Variants in MALRD1 observed in about 807,000 individuals in gnomAD.
MALRD1 encodes MAM and LDL-receptor class A domain-containing protein 1.
Under a neutral mutation model 242.1 loss-of-function variants are expected in MALRD1, and 247 were observed. That is an observed-to-expected ratio of 1.02 (90% CI 0.92 to 1.13). The LOEUF is 1.13. MALRD1 is among the 50% of genes most tolerant of loss of function. The pLI is 0.00. For synonymous variants in MALRD1, 995 were observed against 866.6 expected, an observed-to-expected ratio of 1.15 and a Z score of -2.60; for missense variants, 2,989 against 2,533.1, an observed-to-expected ratio of 1.18 and a Z score of -3.86.
chr10:19,204,756 A>T (rs1836712781), intron 16 of MALRD1, 142 bp from the exon 17 acceptor site: 2 of 906,434 alleles, frequency 2.2e-6, no homozygotes, highest in African/African-American at 3.4e-5. Flanking sequence ...TTGCAAATGG[A>T]CAGCCACAGT....
chr10:19,064,519 T>A (rs1484172815), intron 1 of MALRD1, among the ~76,000 whole-genome samples: 1 of 151,946 alleles, frequency 6.6e-6, no homozygotes, highest in African/African-American at 2.4e-5. Context: ...TTTTTTTTTT[T>A]GGTAAGAATT....
chr10:19,352,735 T>C (rs868677767), intron 26 of MALRD1, among the ~76,000 whole-genome samples: 22 of 152,198 alleles, frequency 1.4e-4, no homozygotes, highest in South Asian at 4.1e-4. Flanking sequence ...CAATTTGATA[T>C]TGAAACAAAG....
intron 36 of MALRD1, among the ~76,000 whole-genome samples, chr10:19,669,023 A>G (rs1841801191): frequency 1.3e-5 from 2 of 152,236 alleles, no homozygotes; most frequent in Non-Finnish European, 2.9e-5. Flanking sequence ...GGAAACTGAG[A>G]TGGCAGCACT....
intron 33 of MALRD1, among the ~76,000 whole-genome samples, chr10:19,575,137 C>T (rs78409339): frequency 6.6e-6 from 1 of 152,128 alleles, no homozygotes; most frequent in Admixed American, 6.5e-5. Context: ...TGAATTGCCC[C>T]GTTTCACTTA....
At chr10:19,268,897 T>G (rs1050271628) in intron 19 of MALRD1, among the ~76,000 whole-genome samples, 1 of 152,210 alleles carries the variant, frequency 6.6e-6, no homozygotes, top group Admixed American at 6.5e-5. Flanking sequence ...CTGAGACATC[T>G]ACTTATGAAA....
chr10:19,236,341 G>A lies in MALRD1; in HGVS notation c.2992-21343G>A, dbSNP rs576430320. On this transcript the variant is annotated intron_variant, in intron 18 of 39. Coordinates refer to ENST00000454679, the MANE Select transcript of MALRD1 (RefSeq NM_001142308.3). ...TGTGGCTGCTCTCACTTAAGCAGGT[G>A]GGATGCTCATGTAGGTGTAACCTAG... is the stretch of plus-strand genomic sequence containing the variant. Among the ~76,000 whole-genome samples, 19 of 152,242 alleles carry A rather than the reference G, an allele frequency of 1.2e-4. No individual in the cohort carries two copies. In the South Asian group the frequency reaches 3.9e-3, roughly 32 times the overall value.
At chr10:19,305,753 A>G (rs1298105134) in intron 21 of MALRD1, among the ~76,000 whole-genome samples, 2 of 145,172 alleles carry the variant, frequency 1.4e-5, no homozygotes, top group African/African-American at 5.0e-5. Context: ...ATATACAGAG[A>G]GTATAGTATA....
intron 32 of MALRD1, among the ~76,000 whole-genome samples, chr10:19,539,897 T>TGTGTGC (rs1365113182): frequency 7.9e-4 from 35 of 44,420 alleles, no homozygotes; most frequent in African/African-American, 1.9e-3. Context: ...TGTGTGTGTG[T>TGTGTGC]GCGCGCGCGC....
intron 36 of MALRD1, among the ~76,000 whole-genome samples, chr10:19,650,778 G>A (rs907443764): frequency 2.6e-5 from 4 of 152,162 alleles, no homozygotes; most frequent in African/African-American, 7.2e-5. Flanking sequence ...TTTCCAACCA[G>A]TTCTCAAGCA....
chr10:19,053,153 C>G (rs1163853129), intron 1 of MALRD1, among the ~76,000 whole-genome samples: 3 of 152,092 alleles, frequency 2.0e-5, no homozygotes, highest in Non-Finnish European at 4.4e-5. Context: ...GAATAGTCAC[C>G]AGGGTTACTT....
At chr10:19,291,374 C>G (rs1402321567) in intron 21 of MALRD1, 1 of 151,954 alleles carries the variant, frequency 6.6e-6, no homozygotes, top group Non-Finnish European at 1.5e-5. Context: ...GGTTCTAAAA[C>G]CTTGGATTAA....
chr10:19,618,129 C>T (rs1026170566), intron 36 of MALRD1, among the ~76,000 whole-genome samples: 4 of 151,964 alleles, frequency 2.6e-5, no homozygotes, highest in Admixed American at 1.3e-4. Context: ...TGGCCTCTGG[C>T]TCCATCCATG....
intron 10 of MALRD1, among the ~76,000 whole-genome samples, chr10:19,139,365 T>G (rs971866790): frequency 6.6e-6 from 1 of 152,226 alleles, no homozygotes; most frequent in South Asian, 2.1e-4. Flanking sequence ...AAATTTGAAT[T>G]TGTAATATCA....
chr10:19,685,599 A>T (rs1425085042), intron 36 of MALRD1, among the ~76,000 whole-genome samples: 2 of 152,188 alleles, frequency 1.3e-5, no homozygotes, highest in Non-Finnish European at 2.9e-5. Context: ...TTGGAACATG[A>T]ACTGATGGAA....
At chr10:19,049,732 T>A (rs1369792614) in intron 1 of MALRD1, among the ~76,000 whole-genome samples, 1 of 152,194 alleles carries the variant, frequency 6.6e-6, no homozygotes, top group Non-Finnish European at 1.5e-5. Flanking sequence ...ATTTTGAACT[T>A]TATTTTATTA....
chr10:19,413,994 A>G (rs1459613384), intron 28 of MALRD1, among the ~76,000 whole-genome samples: 4 of 151,784 alleles, frequency 2.6e-5, no homozygotes, highest in Non-Finnish European at 4.4e-5. Context: ...ATTTTTACCA[A>G]TTGCATTCCT....
chr10:19,183,497 C>T (rs1007686272), intron 14 of MALRD1, among the ~76,000 whole-genome samples: 3 of 152,020 alleles, frequency 2.0e-5, no homozygotes, highest in African/African-American at 7.2e-5. Flanking sequence ...CTAAAAAGGA[C>T]CATTGCTATT....
At chr10:19,247,562 G>T (rs1326440048) in intron 18 of MALRD1, among the ~76,000 whole-genome samples, 1 of 151,378 alleles carries the variant, frequency 6.6e-6, no homozygotes, top group Non-Finnish European at 1.5e-5. Context: ...ACATTATAAT[G>T]TGCACATTAT....
intron 36 of MALRD1, among the ~76,000 whole-genome samples, chr10:19,630,975 C>T (rs1457636767): frequency 1.3e-5 from 2 of 152,070 alleles, no homozygotes; most frequent in Non-Finnish European, 2.9e-5. Flanking sequence ...AATTAAAAGA[C>T]CTGTCTTGAC....
Sources: gnomAD v4.1 joint callset for allele counts (sites outside exome capture counted in the v4.1 genomes callset) on GRCh38, gnomAD v4.1.1 for gene constraint, MANE v1.5 for transcripts, NCBI Gene and HGNC (gene_info 2026-07-23, HGNC 2026-07-21) for gene names.